Variants in RBFOX3 observed in about 807,000 individuals in gnomAD.
RBFOX3 encodes RNA binding protein fox-1 homolog 3.
RBFOX3 carries 17 observed loss-of-function variants against 48.7 expected under a neutral mutation model. The observed-to-expected ratio is 0.35, with a 90% CI of 0.24 to 0.52. The LOEUF (loss-of-function observed/expected upper bound fraction) is 0.52. Ranked by LOEUF, RBFOX3 falls within the 20% of genes least tolerant of loss-of-function variation. RBFOX3 has a pLI of 0.94. For missense variants in RBFOX3, 382 were observed against 497.5 expected (o/e 0.77, Z 2.21); for synonymous variants, 212 against 209.5 (o/e 1.01, Z -0.10).
chr17:79,477,042 G>A lies in RBFOX3; in HGVS notation c.-175+5412C>T, dbSNP rs917112751. ...GAGGTCAGGAGTTCGAGACCAGCCTGGCCAACAGGGTGAAACCCCGTCTCT... is the reference window on the plus strand; with the variant it reads ...GAGGTCAGGAGTTCGAGACCAGCCTAGCCAACAGGGTGAAACCCCGTCTCT... On this transcript the variant is annotated intron_variant, in intron 2 of 14. Coordinates refer to ENST00000693108, the MANE Select transcript of RBFOX3 (RefSeq NM_001350451.2). The surrounding 1 kb of genome is among the most constrained non-coding windows in gnomAD (Gnocchi z 4.8). Among the ~76,000 whole-genome samples, 1 of 151,850 alleles carries A rather than the reference G, an allele frequency of 6.6e-6. No homozygotes were observed. Among genetic ancestry groups the A allele is most frequent in the Non-Finnish European group, 1.5e-5 (1 of 67,964 alleles).
chr17:79,548,211 T>G (rs548276372), intron 1 of RBFOX3, among the ~76,000 whole-genome samples: 1 of 152,150 alleles, frequency 6.6e-6, no homozygotes, highest in Non-Finnish European at 1.5e-5. Flanking sequence ...CAGCTCCTGC[T>G]CCGCTCCCGG....
intron 2 of RBFOX3, among the ~76,000 whole-genome samples, chr17:79,348,657 T>G (rs2083330823): frequency 7.4e-6 from 1 of 135,030 alleles, no homozygotes; most frequent in Middle Eastern, 4.2e-3. Flanking sequence ...CTCGGCTCAC[T>G]GCAACCTCCG....
intron 4 of RBFOX3, among the ~76,000 whole-genome samples, chr17:79,132,282 T>C (rs1028533576): frequency 1.4e-4 from 1 of 7,198 alleles, no homozygotes; most frequent in African/African-American, 6.0e-4. Context: ...TGGGGTGGGG[T>C]GGGGGGCAGA....
chr17:79,650,801 C>T, the RBFOX3 span, among the ~76,000 whole-genome samples: 2 of 152,170 alleles, frequency 1.3e-5, no homozygotes, highest in East Asian at 1.9e-4. Context: ...CTGCCATCGA[C>T]GTCAGCGCCC....
At chr17:79,232,191 A>G (rs543933430) in intron 4 of RBFOX3, among the ~76,000 whole-genome samples, 1 of 152,346 alleles carries the variant, frequency 6.6e-6, no homozygotes, top group South Asian at 2.1e-4. Flanking sequence ...AGATGGGCAT[A>G]TCAATCCCTC....
chr17:79,201,713 T>C (rs898543), intron 4 of RBFOX3, among the ~76,000 whole-genome samples: 142,052 of 152,242 alleles, frequency 0.93, 66,937 homozygotes, highest in Non-Finnish European at 1. Flanking sequence ...AGGTGGCCCA[T>C]GGCCCCCATG....
intron 1 of RBFOX3, among the ~76,000 whole-genome samples, chr17:79,531,537 G>GTCAT (rs2087775355): frequency 1.3e-5 from 2 of 152,230 alleles, no homozygotes; most frequent in South Asian, 4.2e-4. Context: ...TCCACCCATG[G>GTCAT]TCATGCCCTT....
chr17:79,232,913 G>T lies in RBFOX3; in HGVS notation c.-34+2853C>A, dbSNP rs150814787. 1.3e-3 allele frequency among the ~76,000 whole-genome samples: 193 copies of T among 152,346 alleles called. 1 individual carries two copies. Among genetic ancestry groups the T allele is most frequent in the African/African-American group, 4.5e-3 (187 of 41,578 alleles). Reference sequence around the variant, plus strand: ...ACTGCAATTCTCACCCACGACTGGTGGGAATGTAAAGTCGTGCAACCACTT... The same window carrying T: ...ACTGCAATTCTCACCCACGACTGGTTGGAATGTAAAGTCGTGCAACCACTT... On this transcript the variant is annotated intron_variant, in intron 4 of 14. Transcript: ENST00000693108.
At chr17:79,270,914 T>C (rs754192995) in intron 3 of RBFOX3, among the ~76,000 whole-genome samples, 52 of 152,264 alleles carry the variant, frequency 3.4e-4, no homozygotes, top group Non-Finnish European at 5.6e-4. Context: ...CATTTTCCAA[T>C]GTTATGCAAC....
chr17:79,216,949 C>T (rs2059135578), intron 4 of RBFOX3, among the ~76,000 whole-genome samples: 1 of 152,188 alleles, frequency 6.6e-6, no homozygotes, highest in Non-Finnish European at 1.5e-5. Context: ...TGTCTCCCCA[C>T]CGTGGTGGCA....
At chr17:79,304,286 C>G (rs1456348154) in intron 3 of RBFOX3, among the ~76,000 whole-genome samples, 10 of 151,264 alleles carry the variant, frequency 6.6e-5, no homozygotes, top group Admixed American at 6.6e-4. Context: ...AAATATGTTC[C>G]TGAGAATACT....
At chr17:79,598,310 GTGCACACATGCACACACACGCTCA>G (rs2093617489) in intron 1 of RBFOX3, 1 of 152,406 alleles carries the variant, frequency 6.6e-6, no homozygotes, top group Non-Finnish European at 1.5e-5. Context: ...ACATGCACAC[GTGCACACATGCACACACACGCTCA>G]TGCACATGCA....
Position 79,421,423 on chromosome 17 carries a change from A to T in RBFOX3, c.-175+61031T>A, listed in dbSNP as rs2066353900. On this transcript the variant is annotated intron_variant, in intron 2 of 14. Transcript: ENST00000693108. This position sits in a 1 kb window ranked among gnomAD's most constrained non-coding sequence, Gnocchi z 4.5. Reference sequence around the variant, plus strand: ...GGAGGCTGGGCCTGGCTGCCTGCCAAGCCTAGGGGCCTCTCCAGAGCCCAC... The same window carrying T: ...GGAGGCTGGGCCTGGCTGCCTGCCATGCCTAGGGGCCTCTCCAGAGCCCAC... Among the ~76,000 whole-genome samples, 1 of 152,090 alleles carries T rather than the reference A, an allele frequency of 6.6e-6. No homozygotes were observed. Among genetic ancestry groups the T allele is most frequent in the African/African-American group, 2.4e-5 (1 of 41,410 alleles).
chr17:79,530,797 G>A (rs923812568), intron 1 of RBFOX3, among the ~76,000 whole-genome samples: 1 of 152,222 alleles, frequency 6.6e-6, no homozygotes, highest in African/African-American at 2.4e-5. Flanking sequence ...AGAGGACGGA[G>A]CCTCCGGGAG....
At chr17:79,529,511 G>A (rs782171886) in intron 1 of RBFOX3, among the ~76,000 whole-genome samples, 5,282 of 152,290 alleles carry the variant, frequency 0.035, 149 homozygotes, top group Admixed American at 0.07. Flanking sequence ...AGTGGGGGCG[G>A]GGTGGCTGGC....
the RBFOX3 span, among the ~76,000 whole-genome samples, chr17:79,619,995 G>GCA: frequency 1.3e-5 from 2 of 151,326 alleles, no homozygotes; most frequent in African/African-American, 4.9e-5. Flanking sequence ...ACACGCACAT[G>GCA]CACACACATG....
chr17:79,611,183 T>TCTC (rs2093965331), upstream of RBFOX3, among the ~76,000 whole-genome samples: 3 of 41,484 alleles, frequency 7.2e-5, no homozygotes, highest in East Asian at 6.0e-4. Context: ...TCCGCCCTCC[T>TCTC]TCTCTCTCTC....
chr17:79,472,651 C>A (rs2077192325), intron 2 of RBFOX3, among the ~76,000 whole-genome samples: 1 of 152,198 alleles, frequency 6.6e-6, no homozygotes, highest in Admixed American at 6.5e-5. Context: ...AAATTAACCT[C>A]TGTTGTGTGA....
intron 2 of RBFOX3, among the ~76,000 whole-genome samples, chr17:79,348,828 G>A (rs533499077): frequency 5.3e-5 from 8 of 151,504 alleles, no homozygotes; most frequent in Admixed American, 2.0e-4. Context: ...GATCCACCTC[G>A]GCCTCCCAAA....
Sources: gnomAD v4.1 joint callset for allele counts (sites outside exome capture counted in the v4.1 genomes callset) on GRCh38, gnomAD v4.1.1 for gene constraint, Gnocchi (gnomAD v3.1) non-coding constraint, MANE v1.5 for transcripts, NCBI Gene and HGNC (gene_info 2026-07-23, HGNC 2026-07-21) for gene names.